The following LRP1B variants were observed in gnomAD, a reference collection of about 807,000 sequenced individuals.
LRP1B encodes the protein low-density lipoprotein receptor-related protein 1B.
LRP1B carries 217 observed loss-of-function variants against 556.6 expected under a neutral mutation model. The ratio of observed to expected loss-of-function variants is 0.39; its 90% CI spans 0.35 to 0.44. The LOEUF (loss-of-function observed/expected upper bound fraction) is 0.44. Among genes scored for constraint, LRP1B ranks in the 20% least tolerant of loss-of-function variants. The pLI is 1.00. For missense variants in LRP1B, 5,053 were observed against 5,620.8 expected (o/e 0.90, Z 3.23); for synonymous variants, 2,047 against 1,865.8 (o/e 1.10, Z -2.50).
chr2:140,411,243 T>C (rs781595248), intron 66 of LRP1B, among the ~76,000 whole-genome samples: 23 of 152,132 alleles, frequency 1.5e-4, no homozygotes, highest in Non-Finnish European at 2.4e-4. Context: ...TTGAATTCAT[T>C]ATTTTAATAT....
chr2:140,274,722 G>C, intron 84 of LRP1B, 124 bp from the exon 85 acceptor site: 1 of 722,928 alleles, frequency 1.4e-6, no homozygotes, highest in South Asian at 2.2e-5. Flanking sequence ...TACAAAAGCA[G>C]CTTATAATTA....
chr2:141,237,353 G>GGTTTTTTTTTTTTTTT (rs398039112), intron 5 of LRP1B, among the ~76,000 whole-genome samples: 2 of 93,636 alleles, frequency 2.1e-5, no homozygotes, highest in Non-Finnish European at 4.6e-5. Flanking sequence ...GTGTTCTAGT[G>GGTTTTTTTTTTTTTTT]TTTTTTTTTT....
chr2:140,354,080 A>G (rs1370304398), intron 75 of LRP1B, among the ~76,000 whole-genome samples: 2 of 152,020 alleles, frequency 1.3e-5, no homozygotes, highest in African/African-American at 4.8e-5. Context: ...AGGCCAGGTG[A>G]TTCTAGGGAA....
chr2:140,364,871 A>T (rs1558831432), intron 71 of LRP1B, 88 bp from the exon 72 acceptor site: 2 of 1,181,238 alleles, frequency 1.7e-6, no homozygotes, highest in South Asian at 1.5e-5. Flanking sequence ...CTTAGCAAAC[A>T]GTATCTAGTT....
chr2:141,177,936 A>T (rs1214905771), intron 7 of LRP1B, among the ~76,000 whole-genome samples: 4 of 152,130 alleles, frequency 2.6e-5, no homozygotes, highest in Non-Finnish European at 2.9e-5. Flanking sequence ...CCACCTATAA[A>T]TAAGTAGAAA....
chr2:140,520,809 A>G (rs1444648953), intron 49 of LRP1B, among the ~76,000 whole-genome samples: 1 of 149,902 alleles, frequency 6.7e-6, no homozygotes, highest in Admixed American at 6.7e-5. Flanking sequence ...AAAAAAAAAA[A>G]AAAAAGAAAA....
intron 41 of LRP1B, among the ~76,000 whole-genome samples, chr2:140,622,264 T>C (rs1683484647): frequency 6.6e-6 from 1 of 152,238 alleles, no homozygotes; most frequent in African/African-American, 2.4e-5. Flanking sequence ...AAACTTACTG[T>C]CTTCAAACAT....
At chr2:141,643,365 G>A (rs1408831414) in intron 2 of LRP1B, among the ~76,000 whole-genome samples, 1 of 150,344 alleles carries the variant, frequency 6.7e-6, no homozygotes, top group Non-Finnish European at 1.5e-5. Context: ...AAGTGGTAAA[G>A]GGTATTCTAT....
rs755351358 is a variant in LRP1B, at chr2:142,130,622, G to T, written c.82+26C>A. The T allele has an allele frequency of 5.7e-6, 9 of 1,587,652 alleles. No individual in the cohort carries two copies. In the Admixed American group the frequency reaches 6.9e-5, roughly 12 times the overall value. On this transcript the variant is annotated intron_variant, in intron 1 of 90. Coordinates refer to ENST00000389484, the MANE Select transcript of LRP1B (RefSeq NM_018557.3). ...CAGGAAAGCCAAGGAAGTCAGGGGA[G>T]GGGAGCGGGGAGGTGTTCTCCTTAC... is the stretch of plus-strand genomic sequence containing the variant.
chr2:140,943,522 C>T (rs541695161), intron 20 of LRP1B, among the ~76,000 whole-genome samples: 4 of 152,038 alleles, frequency 2.6e-5, no homozygotes, highest in Admixed American at 6.6e-5. Context: ...CAAGCTCAGT[C>T]GCAAGTCTCA....
chr2:141,102,977 C>T (rs1315554559), intron 7 of LRP1B, among the ~76,000 whole-genome samples: 1 of 152,066 alleles, frequency 6.6e-6, no homozygotes, highest in Non-Finnish European at 1.5e-5. Flanking sequence ...ATAATCTTTT[C>T]ATCCTTATCC....
chr2:140,951,170 A>G (rs1403789301), intron 19 of LRP1B, among the ~76,000 whole-genome samples: 1 of 152,030 alleles, frequency 6.6e-6, no homozygotes. Flanking sequence ...TATCTTCAAT[A>G]TCCTCCCTTT....
chr2:142,121,352 C>A (rs920787251), intron 1 of LRP1B, among the ~76,000 whole-genome samples: 1 of 152,102 alleles, frequency 6.6e-6, no homozygotes, highest in African/African-American at 2.4e-5. Context: ...AAATCAGAAC[C>A]AAACCCAAAT....
chr2:141,297,906 T>C (rs1686243192), intron 3 of LRP1B, among the ~76,000 whole-genome samples: 1 of 152,184 alleles, frequency 6.6e-6, no homozygotes, highest in Non-Finnish European at 1.5e-5. Flanking sequence ...GTAGCAATAG[T>C]CTATACTATA....
chr2:141,079,189 A>T (rs1322085907), intron 7 of LRP1B, among the ~76,000 whole-genome samples: 2 of 152,208 alleles, frequency 1.3e-5, no homozygotes, highest in Admixed American at 1.3e-4. Context: ...AAACAAAAAC[A>T]GTATTCAGAC....
At chr2:141,379,016 C>T (rs1338006368) in intron 3 of LRP1B, among the ~76,000 whole-genome samples, 1 of 151,998 alleles carries the variant, frequency 6.6e-6, no homozygotes, top group Non-Finnish European at 1.5e-5. Flanking sequence ...TCAAGAAACC[C>T]AACAAATCTC....
intron 47 of LRP1B, 41 bp from the exon 48 acceptor site, chr2:140,526,391 G>T: frequency 8.7e-7 from 1 of 1,147,940 alleles, no homozygotes; most frequent in Non-Finnish European, 1.3e-6. Flanking sequence ...AGATGGGACA[G>T]AATGACTCCT....
intron 84 of LRP1B, among the ~76,000 whole-genome samples, chr2:140,280,392 T>C (rs1682866207): frequency 6.6e-6 from 1 of 151,812 alleles, no homozygotes; most frequent in Non-Finnish European, 1.5e-5. Flanking sequence ...AAAAGAGTGG[T>C]TGAAGACAAG....
At chr2:141,591,271 T>A (rs1194682425) in intron 2 of LRP1B, among the ~76,000 whole-genome samples, 1 of 152,056 alleles carries the variant, frequency 6.6e-6, no homozygotes, top group African/African-American at 2.4e-5. Flanking sequence ...CTACCCAGGC[T>A]TCTCTCATTA....
Sources: allele counts gnomAD v4.1 joint callset (sites outside exome capture counted in the v4.1 genomes callset), GRCh38; gene constraint gnomAD v4.1.1; transcripts MANE v1.5; gene names NCBI Gene and HGNC (gene_info 2026-07-23, HGNC 2026-07-21).